Variants in TRIM62 observed in about 807,000 individuals in gnomAD.
TRIM62 encodes tripartite motif containing 62.
Under a neutral mutation model 44.2 loss-of-function variants are expected in TRIM62, and 39 were observed. That is an observed-to-expected ratio of 0.88 (90% CI 0.68 to 1.15). TRIM62 has a LOEUF of 1.15. Among genes scored for constraint, TRIM62 ranks in the 50% most tolerant of loss-of-function variants. The probability of loss-of-function intolerance (pLI) is 0.00; values close to 1 mark genes in which losing one functional copy is unlikely to be tolerated. For synonymous variants in TRIM62, 278 were observed against 292.3 expected (o/e 0.95, Z 0.50); for missense variants, 544 against 665.5 (o/e 0.82, Z 2.01).
rs1333832049 is a variant in TRIM62, at chr1:33,145,910, A to T, written c.*1267T>A. On this transcript the variant is annotated 3_prime_UTR_variant, in exon 5 of 5. Coordinates refer to ENST00000291416, the MANE Select transcript of TRIM62 (RefSeq NM_018207.3). ...CCTTGCAGCCAAGGTTCTGGATCTGACTTAAGTTCCCCCAAACAGAATCTC... is the reference window on the plus strand; with the variant it reads ...CCTTGCAGCCAAGGTTCTGGATCTGTCTTAAGTTCCCCCAAACAGAATCTC... 3 of 471,122 alleles carry T rather than the reference A, an allele frequency of 6.4e-6. No individual in the cohort carries two copies. Among genetic ancestry groups the T allele is most frequent in the South Asian group, 3.1e-5 (2 of 64,564 alleles). The allele number at this position is 471,122 out of a possible 1,614,324, so 29.2% of individuals were successfully genotyped here. A position where few individuals can be genotyped will look rare whatever the true frequency, so the allele number is the denominator to read the frequency against.
Position 33,165,307 on chromosome 1 carries a change from C to G in TRIM62, c.504+164G>C. On this transcript the variant is annotated intron_variant, in intron 2 of 4. Coordinates refer to ENST00000291416, the MANE Select transcript of TRIM62 (RefSeq NM_018207.3). The surrounding 1 kb of genome is among the most constrained non-coding windows in gnomAD (Gnocchi z 4.0). ...CGCCCCATTGAACTTCACGGATGCC[C>G]TACCCTCTTCCCCACCCTGCCCTTC... The G allele has an allele frequency of 1.7e-6, 1 of 601,112 alleles. No homozygotes were observed. Among genetic ancestry groups the G allele is most frequent in the Non-Finnish European group, 2.9e-6 (1 of 348,424 alleles). 37.2% of individuals were successfully genotyped at this position (601,112 alleles called of 1,614,324 possible).
rs147419871 is a variant in TRIM62 at position 33,159,926 on chromosome 1, G to A, written c.523C>T (p.Arg175Trp). Residue 175 changes from arginine to tryptophan, a missense_variant, in exon 3 of 5, where the codon CGG (arginine) becomes TGG (tryptophan). Arg to Trp is a moderately radical substitution (Grantham distance 101). Transcript: ENST00000291416. This position sits in a 1 kb window ranked among gnomAD's most constrained non-coding sequence, Gnocchi z 4.2. ...TCGAAGGCCTCGCCGATAGTGGTCC[G>A]CAGGCTCTTGGTGGAAGACTGTGGG... ...AETKSSTKSL[R>W]TTIGEAFERL... 1.5e-5 allele frequency: 24 copies of A among 1,605,214 alleles called. No homozygotes were observed. Among genetic ancestry groups the A allele is most frequent in the Admixed American group, 3.3e-5 (2 of 59,964 alleles).
chr1:33,158,216 C>A lies in TRIM62; in HGVS notation c.877+37G>T, dbSNP rs762017171. The A allele has an allele frequency of 8.8e-6, 14 of 1,584,870 alleles. No homozygotes were observed. The South Asian group carries it at 1.2e-4, about 14-fold the overall frequency. On this transcript the variant is annotated intron_variant, in intron 4 of 4. Coordinates refer to ENST00000291416, the MANE Select transcript of TRIM62 (RefSeq NM_018207.3). ...GGGGCTGGGCTGTGCTGGGACATGC[C>A]CCACCTAGCTCTGGACCATGATAAC... is the stretch of plus-strand genomic sequence containing the variant.
At chr1:33,163,087 G>A in intron 2 of TRIM62, 1 of 151,920 alleles carries the variant, frequency 6.6e-6, no homozygotes, top group Non-Finnish European at 1.5e-5. Flanking sequence ...TGCCCAGGCT[G>A]GGGTGCAGTG....
At chr1:33,176,346 C>G (rs144903393) in intron 1 of TRIM62, 16 of 653,518 alleles carry the variant, frequency 2.4e-5, no homozygotes, top group Non-Finnish European at 4.6e-5. Context: ...GAACCTAGCC[C>G]CCAGCCCCCT....
chr1:33,161,438 T>C lies in TRIM62; in HGVS notation c.505-1494A>G, dbSNP rs1645265494. On this transcript the variant is annotated intron_variant, in intron 2 of 4. Transcript: ENST00000291416. The surrounding 1 kb of genome is among the most constrained non-coding windows in gnomAD (Gnocchi z 4.3). Reference sequence around the variant, plus strand: ...GAGTTCATGGAGTCAGAAACCCCACTGTGTTCAGTGCCCAGGGCTCTGTGG... The same window carrying C: ...GAGTTCATGGAGTCAGAAACCCCACCGTGTTCAGTGCCCAGGGCTCTGTGG... Among the ~76,000 whole-genome samples, 1 of 152,140 alleles carries C rather than the reference T, an allele frequency of 6.6e-6. No homozygotes were observed.
intron 1 of TRIM62, among the ~76,000 whole-genome samples, chr1:33,173,197 C>T (rs1317601436): frequency 6.6e-6 from 1 of 152,212 alleles, no homozygotes; most frequent in African/African-American, 2.4e-5. Flanking sequence ...CCAACCCTCC[C>T]TGTGCACTTC....
rs764412710 is a variant in TRIM62 at position 33,147,615 on chromosome 1, C to G, written c.990G>C (p.Ser330=). 2.5e-6 allele frequency: 4 copies of G among 1,614,094 alleles called. No individual in the cohort carries two copies. Among genetic ancestry groups the G allele is most frequent in the Non-Finnish European group, 3.4e-6 (4 of 1,180,052 alleles). Residue 330 remains serine (S), a synonymous_variant, in exon 5 of 5, where the codon TCG becomes TCC. Transcript: ENST00000291416. The surrounding 1 kb of genome is among the most constrained non-coding windows in gnomAD (Gnocchi z 8.1). ...GNLHPQPLQD[S]PKRFDVEVSV... ...ACACCTCCACATCGAAGCGCTTTGG[C>G]GAGTCCTGCAGTGGCTGTGGGTGCA...
intron 4 of TRIM62, among the ~76,000 whole-genome samples, chr1:33,148,689 CACA>C (rs1645053409): frequency 6.6e-6 from 1 of 152,084 alleles, no homozygotes; most frequent in South Asian, 2.1e-4. Context: ...CATATACACA[CACA>C]ACACTTGAAA....
At chr1:33,162,667 C>G (rs565523107) in intron 2 of TRIM62, among the ~76,000 whole-genome samples, 1 of 152,028 alleles carries the variant, frequency 6.6e-6, no homozygotes, top group East Asian at 1.9e-4. Context: ...TTCAATGTCT[C>G]AAGGACGAGA....
chr1:33,181,714 G>A lies in TRIM62; in HGVS notation c.-282C>T, dbSNP rs959751306. The A allele has an allele frequency of 1.1e-4, 54 of 480,364 alleles. 1 individual carries two copies. In the South Asian group the frequency reaches 1.3e-3, roughly 11 times the overall value. 29.8% of individuals were successfully genotyped at this position (480,364 alleles called of 1,614,324 possible). ...GGGAGGAGGCTGTGAGCGGCTGAGG[G>A]ACGGAGATCCTGACGGGGAGGTTCT... is the stretch of plus-strand genomic sequence containing the variant. On this transcript the variant is annotated 5_prime_UTR_variant, in exon 1 of 5. Coordinates refer to ENST00000291416, the MANE Select transcript of TRIM62 (RefSeq NM_018207.3). The surrounding 1 kb of genome is among the most constrained non-coding windows in gnomAD (Gnocchi z 6.5).
chr1:33,163,602 A>G (rs1322549592), intron 2 of TRIM62: 3 of 151,820 alleles, frequency 2.0e-5, no homozygotes, highest in African/African-American at 7.3e-5. Context: ...CCCCACCCCA[A>G]CCCACCACAT....
chr1:33,177,887 A>G lies in TRIM62; in HGVS notation c.408+3138T>C, dbSNP rs1170896692. ...ATAAACATCATCTTGTTTAATCCTA[A>G]TATAATTACTTCCATGCTGTCCATG... On this transcript the variant is annotated intron_variant, in intron 1 of 4. Coordinates refer to ENST00000291416, the MANE Select transcript of TRIM62 (RefSeq NM_018207.3). The surrounding 1 kb of genome is among the most constrained non-coding windows in gnomAD (Gnocchi z 4.1). 1.3e-5 allele frequency among the ~76,000 whole-genome samples: 2 copies of G among 152,164 alleles called. No individual in the cohort carries two copies. Among genetic ancestry groups the G allele is most frequent in the Non-Finnish European group, 2.9e-5 (2 of 68,034 alleles).
chr1:33,147,492 G>A lies in TRIM62; in HGVS notation c.1113C>T (p.Ala371=), dbSNP rs901414454. ...TQWVIGLAHE[A]ASRKGSIQIQ... ...TCTGGATGCTGCCCTTGCGGCTTGC[G>A]GCTTCGTGTGCCAGCCCGATCACCC... The change falls in exon 5 of 5, where the codon GCC becomes GCT. Residue 371 remains alanine (A), a synonymous_variant. Transcript: ENST00000291416. This position sits in a 1 kb window ranked among gnomAD's most constrained non-coding sequence, Gnocchi z 8.1. 1.7e-5 allele frequency: 28 copies of A among 1,613,200 alleles called. No individual in the cohort carries two copies. The highest frequency in any genetic ancestry group is 6.7e-5 in the African/African-American group (5 of 75,042).
At chr1:33,180,530 T>G (rs564246676) in intron 1 of TRIM62, among the ~76,000 whole-genome samples, 1 of 152,270 alleles carries the variant, frequency 6.6e-6, no homozygotes, top group South Asian at 2.1e-4. Context: ...TTAGTCCTGA[T>G]GCACATCTGA....
intron 1 of TRIM62, among the ~76,000 whole-genome samples, chr1:33,179,198 A>C (rs595067): frequency 0.99 from 150,061 of 152,328 alleles, 73,958 homozygotes; most frequent in Middle Eastern, 1. Flanking sequence ...CAGCGCCTAA[A>C]ACGATGGCTC....
chr1:33,172,618 G>A (rs550928554), intron 1 of TRIM62, among the ~76,000 whole-genome samples: 1 of 152,268 alleles, frequency 6.6e-6, no homozygotes, highest in South Asian at 2.1e-4. Flanking sequence ...TGGAGTCTGC[G>A]CAGCCCTGAG....
At chr1:33,175,218 T>C in intron 1 of TRIM62, among the ~76,000 whole-genome samples, 1 of 151,526 alleles carries the variant, frequency 6.6e-6, no homozygotes, top group Non-Finnish European at 1.5e-5. Flanking sequence ...TTTTTTTTTT[T>C]TTGTATTTTT....
At chr1:33,178,289 C>T (rs1289583931) in intron 1 of TRIM62, among the ~76,000 whole-genome samples, 1 of 152,218 alleles carries the variant, frequency 6.6e-6, no homozygotes, top group African/African-American at 2.4e-5. Flanking sequence ...AGGGTGGGTT[C>T]AGCCTTATTT....
Sources: gnomAD v4.1 joint callset for allele counts (sites outside exome capture counted in the v4.1 genomes callset) on GRCh38, gnomAD v4.1.1 for gene constraint, Gnocchi (gnomAD v3.1) non-coding constraint, MANE v1.5 for transcripts, NCBI Gene and HGNC (gene_info 2026-07-23, HGNC 2026-07-21) for gene names.